Variants in SYT9 observed in about 807,000 individuals in gnomAD.
SYT9 encodes the protein synaptotagmin-9.
A neutral mutation model predicts 48.4 loss-of-function variants in SYT9; 22 were observed. The observed-to-expected ratio is 0.45, with a 90% confidence interval of 0.32 to 0.65. The LOEUF is 0.65. SYT9 is among the 30% of genes least tolerant of loss of function. SYT9 has a pLI of 0.03. For missense variants in SYT9, 577 were observed against 622.0 expected, an observed-to-expected ratio of 0.93 and a Z score of 0.77; for synonymous variants, 265 against 245.0, an observed-to-expected ratio of 1.08 and a Z score of -0.76.
intron 2 of SYT9, among the ~76,000 whole-genome samples, chr11:7,307,469 G>A (rs528230334): frequency 6.6e-6 from 1 of 152,230 alleles, no homozygotes; most frequent in Admixed American, 6.5e-5. Flanking sequence ...TCTCTACTGG[G>A]ATTAAATTAT....
chr11:7,250,262 T>A (rs372011251), upstream of SYT9, among the ~76,000 whole-genome samples: 2 of 152,242 alleles, frequency 1.3e-5, no homozygotes, highest in Admixed American at 6.5e-5. Flanking sequence ...CAAATTTGGA[T>A]GTTTCTAGCA....
In SYT9 at chr11:7,323,591, CT is replaced by C. The variant is rs546721599; in HGVS notation, c.1044+9655del. On this transcript the variant is annotated intron_variant, in intron 3 of 6. Coordinates refer to ENST00000318881, the MANE Select transcript of SYT9 (RefSeq NM_175733.4). ...CACTAAGTAGGACATTGGCTATAGA[CT>C]TTTTGAAAACCTGAATGGATATTGA... Among the ~76,000 whole-genome samples, 3 of 151,924 alleles carry C rather than the reference CT, an allele frequency of 2.0e-5. No individual in the cohort carries two copies. In the South Asian group the frequency reaches 6.2e-4, roughly 32 times the overall value.
chr11:7,254,820 A>C (rs1385860086), intron 1 of SYT9, among the ~76,000 whole-genome samples: 1 of 152,218 alleles, frequency 6.6e-6, no homozygotes, highest in Non-Finnish European at 1.5e-5. Flanking sequence ...TGTGGACAGC[A>C]AAGTGACCCT....
chr11:7,445,805 C>G (rs1847917655), intron 6 of SYT9, among the ~76,000 whole-genome samples: 1 of 152,202 alleles, frequency 6.6e-6, no homozygotes, highest in African/African-American at 2.4e-5. Flanking sequence ...TCAGACTGTT[C>G]CTAACACTGG....
chr11:7,459,715 C>G (rs765523463), intron 6 of SYT9, among the ~76,000 whole-genome samples: 8 of 152,094 alleles, frequency 5.3e-5, no homozygotes, highest in Non-Finnish European at 1.0e-4. Context: ...GGGTAGGCAC[C>G]AAATCCCATG....
In SYT9 at chr11:7,342,792, G is replaced by A. The variant is rs1417078784; in HGVS notation, c.1044+28851G>A. Among the ~76,000 whole-genome samples, 3 of 152,220 alleles carry A rather than the reference G, an allele frequency of 2.0e-5. No homozygotes were observed. In the East Asian group the frequency reaches 5.8e-4, roughly 29 times the overall value. On this transcript the variant is annotated intron_variant, in intron 3 of 6. Coordinates refer to ENST00000318881, the MANE Select transcript of SYT9 (RefSeq NM_175733.4). ...TTCCCTTCCACACTGCCCTAGCAGA[G>A]GTTCTCCATGAGGGCCCTGCCCCTG...
intron 6 of SYT9, among the ~76,000 whole-genome samples, chr11:7,432,862 A>G (rs1847635209): frequency 6.6e-6 from 1 of 151,914 alleles, no homozygotes; most frequent in South Asian, 2.1e-4. Flanking sequence ...TAATGCTGGA[A>G]TGACCTAAGA....
intron 3 of SYT9, among the ~76,000 whole-genome samples, chr11:7,378,798 C>T (rs948709027): frequency 6.6e-6 from 1 of 152,100 alleles, no homozygotes; most frequent in Non-Finnish European, 1.5e-5. Flanking sequence ...AGAATCTCAT[C>T]ATCCCGTCTC....
At chr11:7,259,986 T>C (rs1052287491) in intron 1 of SYT9, among the ~76,000 whole-genome samples, 9 of 152,202 alleles carry the variant, frequency 5.9e-5, no homozygotes, top group Non-Finnish European at 1.0e-4. Context: ...TTTGAATCTC[T>C]TTTTCTTTAT....
intron 3 of SYT9, among the ~76,000 whole-genome samples, chr11:7,338,302 G>A (rs548245694): frequency 1.3e-4 from 20 of 152,146 alleles, no homozygotes; most frequent in African/African-American, 4.8e-4. Context: ...CAAAGAACAA[G>A]CTCCTGGATT....
chr11:7,354,618 A>G (rs562949215), intron 3 of SYT9, among the ~76,000 whole-genome samples: 6 of 152,208 alleles, frequency 3.9e-5, no homozygotes, highest in Admixed American at 2.0e-4. Context: ...TAGATTGAGT[A>G]ATTCCAGGTT....
At chr11:7,437,957 T>C (rs1185509423) in intron 6 of SYT9, 1 of 152,212 alleles carries the variant, frequency 6.6e-6, no homozygotes, top group East Asian at 1.9e-4. Flanking sequence ...CCTGAGGTGC[T>C]TGACTCCACA....
chr11:7,329,044 ATCTT>A (rs1332765004), intron 3 of SYT9, among the ~76,000 whole-genome samples: 2 of 152,122 alleles, frequency 1.3e-5, no homozygotes, highest in Non-Finnish European at 1.5e-5. Flanking sequence ...ATTATTGTTT[ATCTT>A]TCTTAGGATT....
chr11:7,415,664 T>C (rs2134096291), intron 3 of SYT9, among the ~76,000 whole-genome samples: 1 of 152,152 alleles, frequency 6.6e-6, no homozygotes, highest in Non-Finnish European at 1.5e-5. Flanking sequence ...AGTAGTGATA[T>C]GAGTGGAGCC....
intron 1 of SYT9, among the ~76,000 whole-genome samples, chr11:7,277,219 C>T (rs969929309): frequency 3.3e-5 from 5 of 152,084 alleles, no homozygotes; most frequent in Non-Finnish European, 5.9e-5. Context: ...ATTTGATAAA[C>T]GTTTGAATAA....
chr11:7,425,855 TCC>T (rs533048553), intron 6 of SYT9, among the ~76,000 whole-genome samples: 1 of 151,900 alleles, frequency 6.6e-6, no homozygotes, highest in East Asian at 1.9e-4. Flanking sequence ...GATGAGGTGC[TCC>T]CCCCCAATAT....
chr11:7,243,693 A>G (rs932505336), intron 1 of SYT9, among the ~76,000 whole-genome samples: 2 of 152,214 alleles, frequency 1.3e-5, no homozygotes, highest in South Asian at 2.1e-4. Flanking sequence ...ATTCATTTTC[A>G]TCACTGGGGA....
intron 3 of SYT9, among the ~76,000 whole-genome samples, chr11:7,336,638 A>T (rs1374081977): frequency 5.3e-5 from 8 of 152,176 alleles, no homozygotes; most frequent in Non-Finnish European, 1.5e-5. Context: ...TTTGTCAAAA[A>T]TCAGATAGTT....
intron 1 of SYT9, among the ~76,000 whole-genome samples, chr11:7,285,967 C>T (rs560754414): frequency 6.6e-6 from 1 of 152,300 alleles, no homozygotes; most frequent in East Asian, 1.9e-4. Context: ...GGACAGCCCC[C>T]TTCCTAGCTG....
Sources: gnomAD v4.1 joint callset for allele counts (sites outside exome capture counted in the v4.1 genomes callset) on GRCh38, gnomAD v4.1.1 for gene constraint, MANE v1.5 for transcripts, NCBI Gene and HGNC (gene_info 2026-07-23, HGNC 2026-07-21) for gene names.